Variants in NAAA observed in about 807,000 individuals in gnomAD.
NAAA encodes N-acylethanolamine-hydrolyzing acid amidase.
In NAAA, 39 loss-of-function variants were observed where a neutral mutation model predicts 44.8. The ratio of observed to expected loss-of-function variants is 0.87; its 90% CI spans 0.67 to 1.14. The LOEUF is 1.14. Among genes scored for constraint, NAAA ranks in the 50% most tolerant of loss-of-function variants. The pLI is 0.00. For missense variants in NAAA, 460 were observed against 467.8 expected (o/e 0.98, Z 0.15); for synonymous variants, 178 against 191.3 (o/e 0.93, Z 0.58).
downstream of NAAA, among the ~76,000 whole-genome samples, chr4:75,912,486 G>A (rs975498721): frequency 1.3e-4 from 20 of 150,786 alleles, no homozygotes; most frequent in Non-Finnish European, 2.5e-4. Context: ...CCCAGGAGGC[G>A]GAGGTTGCAG....
intron 5 of NAAA, among the ~76,000 whole-genome samples, chr4:75,925,479 G>A (rs754514548): frequency 6.6e-6 from 1 of 152,098 alleles, no homozygotes; most frequent in African/African-American, 2.4e-5. Context: ...TGCACAAACC[G>A]AAGTTGAGCT....
In NAAA at chr4:75,913,795, G is replaced by A. The variant is rs1364165373; in HGVS notation, c.*580C>T. 2.0e-6 allele frequency: 2 copies of A among 984,766 alleles called. No homozygotes were observed. Among genetic ancestry groups the A allele is most frequent in the East Asian group, 1.1e-4 (1 of 8,828 alleles). 61.0% of individuals were successfully genotyped at this position (984,766 alleles called of 1,614,324 possible). A position where few individuals can be genotyped will look rare whatever the true frequency, so the allele number is the denominator to read the frequency against. On this transcript the variant is annotated 3_prime_UTR_variant, in exon 11 of 11. Coordinates refer to ENST00000286733, the MANE Select transcript of NAAA (RefSeq NM_014435.4). The stretch of plus-strand genomic sequence containing the variant: ...AAGAAAGTAGCTATTGAGAAAGAAG[G>A]AGGGCCATAGGTTTTTCAATAAAAC...
chr4:75,933,906 T>C (rs1727462989), intron 3 of NAAA, among the ~76,000 whole-genome samples: 1 of 151,864 alleles, frequency 6.6e-6, no homozygotes, highest in Non-Finnish European at 1.5e-5. Flanking sequence ...GGCACCCTCC[T>C]ATAGTCCCAG....
At chr4:75,925,647 T>C in intron 5 of NAAA, 88 bp downstream of exon 5, 2 of 1,262,346 alleles carry the variant, frequency 1.6e-6, no homozygotes, top group Non-Finnish European at 2.3e-6. Context: ...AGGAGCTCCT[T>C]ACATTAAAAG....
downstream of NAAA, among the ~76,000 whole-genome samples, chr4:75,912,582 C>T (rs1307398779): frequency 6.6e-6 from 1 of 151,450 alleles, no homozygotes; most frequent in African/African-American, 2.4e-5. Context: ...GAAATTTAGC[C>T]TGGCCAACAT....
At chr4:75,931,406 T>C in intron 3 of NAAA, 102 bp from the exon 4 acceptor site, 1 of 794,240 alleles carries the variant, frequency 1.3e-6, no homozygotes, top group Non-Finnish European at 2.0e-6. Context: ...TCTTATAAAT[T>C]CCAACACAAT....
chr4:75,928,913 G>A (rs1413549319), intron 4 of NAAA, among the ~76,000 whole-genome samples: 3 of 150,836 alleles, frequency 2.0e-5, no homozygotes, highest in South Asian at 2.1e-4. Flanking sequence ...TCAGCCTCAC[G>A]CCTAGCTGGG....
Position 75,913,972 on chromosome 4 carries a change from C to G in NAAA, c.*403G>C. The G allele has an allele frequency of 1.0e-6, 1 of 985,430 alleles. No homozygotes were observed. Among genetic ancestry groups the G allele is most frequent in the Non-Finnish European group, 1.2e-6 (1 of 829,936 alleles). 61.0% of individuals were successfully genotyped at this position (985,430 alleles called of 1,614,324 possible). A position where few individuals can be genotyped will look rare whatever the true frequency, so the allele number is the denominator to read the frequency against. On this transcript the variant is annotated 3_prime_UTR_variant, in exon 11 of 11. Transcript: ENST00000286733. ...TTCTTAGGCTCTTTCAGAAGCACTT[C>G]ACAATGAACAGAGGTCTTGCCAGCT...
intron 10 of NAAA, 94 bp downstream of exon 10, chr4:75,914,774 T>C: frequency 1.3e-6 from 1 of 742,650 alleles, no homozygotes. Context: ...GAAAATATTA[T>C]ATATGTATAC....
In NAAA at chr4:75,914,018, A is replaced by C. The variant is rs1269066799; in HGVS notation, c.*357T>G. On this transcript the variant is annotated 3_prime_UTR_variant, in exon 11 of 11. Coordinates refer to ENST00000286733, the MANE Select transcript of NAAA (RefSeq NM_014435.4). Reference sequence around the variant, plus strand: ...CAGCTCATTTCATTAGCGGAGAAGCAAAGGTATGATGGCAGAATCATGAGA... The same window carrying C: ...CAGCTCATTTCATTAGCGGAGAAGCCAAGGTATGATGGCAGAATCATGAGA... The C allele has an allele frequency of 1.0e-6, 1 of 985,322 alleles. No individual in the cohort carries two copies. The highest frequency in any genetic ancestry group is 1.2e-6 in the Non-Finnish European group (1 of 829,942). 61.0% of individuals were successfully genotyped at this position (985,322 alleles called of 1,614,324 possible).
chr4:75,911,845 C>A (rs142736772), downstream of NAAA, among the ~76,000 whole-genome samples: 323 of 152,288 alleles, frequency 2.1e-3, 2 homozygotes, highest in African/African-American at 7.2e-3. Flanking sequence ...AATCTCATAG[C>A]CTTCCATTAG....
intron 7 of NAAA, among the ~76,000 whole-genome samples, chr4:75,920,521 GACAGCCTCCCA>G (rs1320472936): frequency 6.6e-6 from 1 of 152,062 alleles, no homozygotes; most frequent in East Asian, 1.9e-4. Context: ...TCCTGACCCT[GACAGCCTCCCA>G]ACACCCGCCC....
At chr4:75,924,476 T>TCATATTTCTG (rs1209996847) in intron 5 of NAAA, among the ~76,000 whole-genome samples, 4 of 152,220 alleles carry the variant, frequency 2.6e-5, no homozygotes, top group African/African-American at 9.6e-5. Context: ...GGACCACAGT[T>TCATATTTCTG]GACTGTGGGT....
At chr4:75,922,316 T>G (rs1035856830) in intron 5 of NAAA, among the ~76,000 whole-genome samples, 1 of 150,230 alleles carries the variant, frequency 6.7e-6, no homozygotes, top group African/African-American at 2.5e-5. Context: ...AGATGAAGGT[T>G]GCAGTGAGCC....
intron 4 of NAAA, among the ~76,000 whole-genome samples, chr4:75,929,655 T>C (rs1727055553): frequency 6.6e-6 from 1 of 152,118 alleles, no homozygotes; most frequent in African/African-American, 2.4e-5. Context: ...GTACCACAGG[T>C]TGAGAACCAG....
At chr4:75,915,770 C>A (rs1725576033) in intron 9 of NAAA, among the ~76,000 whole-genome samples, 1 of 152,206 alleles carries the variant, frequency 6.6e-6, no homozygotes, top group South Asian at 2.1e-4. Flanking sequence ...ACCTGCCCCG[C>A]CCCTCCACCT....
At chr4:75,930,880 G>A (rs953705669) in intron 4 of NAAA, among the ~76,000 whole-genome samples, 16 of 151,944 alleles carry the variant, frequency 1.1e-4, no homozygotes, top group South Asian at 2.1e-4. Flanking sequence ...TCATCCTTGC[G>A]GTAAGACCAC....
At chr4:75,932,186 G>A (rs1034069061) in intron 3 of NAAA, among the ~76,000 whole-genome samples, 65 of 152,096 alleles carry the variant, frequency 4.3e-4, no homozygotes, top group Middle Eastern at 3.2e-3. Context: ...CCGAGATAGC[G>A]CCATCACACT....
Position 75,940,833 on chromosome 4 carries a change from G to A in NAAA, c.117C>T (p.Ser39=), listed in dbSNP as rs1165108969. The A allele has an allele frequency of 1.3e-6, 2 of 1,593,470 alleles. No homozygotes were observed. Among genetic ancestry groups the A allele is most frequent in the East Asian group, 4.6e-5 (2 of 43,946 alleles). Residue 39 remains serine, a synonymous_variant, in exon 1 of 11, where the codon AGC becomes AGT. Transcript: ENST00000286733. ...SPPAAPRFNV[S]LDSVPELRWL... is the part of the protein sequence containing the mutation. ...AGCGCAGCTCGGGGACCGAGTCCAGGCTCACGTTGAAGCGCGGCGCTGCTG... is the reference window on the plus strand; with the variant it reads ...AGCGCAGCTCGGGGACCGAGTCCAGACTCACGTTGAAGCGCGGCGCTGCTG...
Sources: gnomAD v4.1 joint callset for allele counts (sites outside exome capture counted in the v4.1 genomes callset) on GRCh38, gnomAD v4.1.1 for gene constraint, MANE v1.5 for transcripts, NCBI Gene and HGNC (gene_info 2026-07-23, HGNC 2026-07-21) for gene names.